Variants in ARID3B observed in about 807,000 individuals in gnomAD.
The protein encoded by ARID3B is AT-rich interactive domain-containing protein 3B.
Under a neutral mutation model 51.9 loss-of-function variants are expected in ARID3B, and 10 were observed. The ratio of observed to expected loss-of-function variants is 0.19; its 90% CI spans 0.12 to 0.33. ARID3B has a LOEUF of 0.33. Ranked by LOEUF, ARID3B falls within the 10% of genes least tolerant of loss-of-function variation. The pLI, the probability that ARID3B is intolerant of heterozygous loss-of-function variation, is 1.00. For synonymous variants in ARID3B, 205 were observed against 279.5 expected, an observed-to-expected ratio of 0.73 and a Z score of 2.66; for missense variants, 483 against 716.3, an observed-to-expected ratio of 0.67 and a Z score of 3.72.
At chr15:74,559,708 G>A (rs962700909) in intron 2 of ARID3B, among the ~76,000 whole-genome samples, 1 of 152,026 alleles carries the variant, frequency 6.6e-6, no homozygotes, top group Non-Finnish European at 1.5e-5. Flanking sequence ...TTATTACTCT[G>A]CAAATGACTT....
At chr15:74,566,744 T>C (rs891633117) in intron 2 of ARID3B, among the ~76,000 whole-genome samples, 3 of 152,132 alleles carry the variant, frequency 2.0e-5, no homozygotes, top group Non-Finnish European at 4.4e-5. Context: ...ATGGTTCAGA[T>C]TAATCTAGAA....
At chr15:74,581,459 A>G (rs558561893) in intron 4 of ARID3B, among the ~76,000 whole-genome samples, 1 of 152,250 alleles carries the variant, frequency 6.6e-6, no homozygotes, top group Non-Finnish European at 1.5e-5. Flanking sequence ...CCTTCCTGGC[A>G]GACGAAAATA....
rs1362317109 is a variant in ARID3B, at chr15:74,566,329, G to A, written c.553-6533G>A. ...TGAAAGACTAAATAGGCCAGGCGCA[G>A]TGGCTCACACCTGTAATCCCATCAC... On this transcript the variant is annotated intron_variant, in intron 2 of 8. Coordinates refer to ENST00000346246, the MANE Select transcript of ARID3B (RefSeq NM_006465.4). Among the ~76,000 whole-genome samples the A allele has an allele frequency of 2.6e-5, 4 of 152,284 alleles. No individual in the cohort carries two copies. In the East Asian group the frequency reaches 7.7e-4, roughly 29 times the overall value.
At chr15:74,577,549 C>T (rs1193181453) in intron 4 of ARID3B, among the ~76,000 whole-genome samples, 2 of 152,106 alleles carry the variant, frequency 1.3e-5, no homozygotes, top group African/African-American at 4.8e-5. Context: ...GAGACAGGGT[C>T]TCACTCTATT....
Position 74,595,808 on chromosome 15 carries a change from C to G in ARID3B, c.*34C>G, listed in dbSNP as rs1408011394. The G allele has an allele frequency of 7.6e-6, 12 of 1,582,896 alleles. No homozygotes were observed. Among genetic ancestry groups the G allele is most frequent in the Admixed American group, 1.8e-5 (1 of 54,580 alleles). On this transcript the variant is annotated 3_prime_UTR_variant, in exon 9 of 9. Transcript: ENST00000346246. ...ACCCAGCTTCCCACTTGCCACTCTC[C>G]TGTCGAGAGTGAAGGAAGTTGATGC...
At chr15:74,579,927 A>G (rs1437362022) in intron 4 of ARID3B, among the ~76,000 whole-genome samples, 1 of 151,896 alleles carries the variant, frequency 6.6e-6, no homozygotes, top group Non-Finnish European at 1.5e-5. Context: ...GCATTGGCTC[A>G]TGCCTGTAAT....
intron 2 of ARID3B, among the ~76,000 whole-genome samples, chr15:74,554,046 G>T (rs938511795): frequency 7.2e-5 from 11 of 151,908 alleles, no homozygotes; most frequent in African/African-American, 2.7e-4. Flanking sequence ...TCGCTCTGTC[G>T]CTCAGGCTAG....
At position 74,595,866 on chromosome 15, in the gene ARID3B, C is replaced by T. The variant is rs1360159980; in HGVS notation, c.*92C>T. Reference sequence around the variant, plus strand: ...TTACCTCATCTCACAGAGCCCACGTCGACGAGCACCATTTGGCCAGACATT... The same window carrying T: ...TTACCTCATCTCACAGAGCCCACGTTGACGAGCACCATTTGGCCAGACATT... On this transcript the variant is annotated 3_prime_UTR_variant, in exon 9 of 9. Coordinates refer to ENST00000346246, the MANE Select transcript of ARID3B (RefSeq NM_006465.4). 4.5e-6 allele frequency: 6 copies of T among 1,347,596 alleles called. No homozygotes were observed. The highest frequency in any genetic ancestry group is 5.0e-5 in the Admixed American group (2 of 40,368). 83.5% of individuals were successfully genotyped at this position (1,347,596 alleles called of 1,614,324 possible).
At chr15:74,548,390 C>T (rs553219625) in intron 2 of ARID3B, among the ~76,000 whole-genome samples, 5 of 152,166 alleles carry the variant, frequency 3.3e-5, no homozygotes, top group Admixed American at 2.0e-4. Context: ...TGCATGTGTC[C>T]GATTTTCTGC....
At chr15:74,547,384 T>C (rs886360087) in intron 2 of ARID3B, among the ~76,000 whole-genome samples, 2 of 152,196 alleles carry the variant, frequency 1.3e-5, no homozygotes, top group African/African-American at 4.8e-5. Context: ...GGTTTCGTCA[T>C]GTTGGCCAGG....
rs1293963541 is a variant in ARID3B, at chr15:74,597,508, C to T, written c.*1734C>T. 8 of 535,374 alleles carry T rather than the reference C, an allele frequency of 1.5e-5. No homozygotes were observed. Among genetic ancestry groups the T allele is most frequent in the Admixed American group, 2.2e-5 (1 of 44,928 alleles). The allele number at this position is 535,374 out of a possible 1,614,324, so 33.2% of individuals were successfully genotyped here. On this transcript the variant is annotated 3_prime_UTR_variant, in exon 9 of 9. Transcript: ENST00000346246. Reference sequence around the variant, plus strand: ...ACACACACTCACCCCCACTCCCACACACATACACACACACACACACATACC... The same window carrying T: ...ACACACACTCACCCCCACTCCCACATACATACACACACACACACACATACC...
At chr15:74,550,839 C>T (rs1174221567) in intron 2 of ARID3B, among the ~76,000 whole-genome samples, 1 of 152,186 alleles carries the variant, frequency 6.6e-6, no homozygotes, top group Non-Finnish European at 1.5e-5. Flanking sequence ...TCCTCTCCCG[C>T]TATCCTCAGG....
At chr15:74,561,278 A>G (rs1467037517) in intron 2 of ARID3B, among the ~76,000 whole-genome samples, 1 of 152,198 alleles carries the variant, frequency 6.6e-6, no homozygotes, top group Non-Finnish European at 1.5e-5. Flanking sequence ...TCTTTACTAC[A>G]TCTAGAATGA....
chr15:74,557,010 C>T (rs1024367170), intron 2 of ARID3B, among the ~76,000 whole-genome samples: 1 of 151,796 alleles, frequency 6.6e-6, no homozygotes, highest in Non-Finnish European at 1.5e-5. Context: ...CTCCTGACCT[C>T]GTGATCCACC....
intron 2 of ARID3B, among the ~76,000 whole-genome samples, chr15:74,561,098 T>A (rs1206365827): frequency 6.6e-6 from 1 of 152,218 alleles, no homozygotes; most frequent in Non-Finnish European, 1.5e-5. Flanking sequence ...AGTTTGTCTT[T>A]CAACTTGATG....
intron 4 of ARID3B, among the ~76,000 whole-genome samples, chr15:74,584,249 A>G (rs572817097): frequency 3.9e-5 from 6 of 152,290 alleles, no homozygotes; most frequent in Admixed American, 3.9e-4. Context: ...ATGGGGGGAA[A>G]TCAGCAGTCA....
At chr15:74,542,870 GGT>G (rs2061599860) in intron 1 of ARID3B, among the ~76,000 whole-genome samples, 1 of 152,228 alleles carries the variant, frequency 6.6e-6, no homozygotes, top group African/African-American at 2.4e-5. Context: ...AGGAGAAGAG[GGT>G]GTGAAAGTGA....
Position 74,544,135 on chromosome 15 carries a change from G to A in ARID3B, c.199G>A (p.Gly67Ser). 6.2e-7 allele frequency: 1 copy of A among 1,613,926 alleles called. No individual in the cohort carries two copies. Among genetic ancestry groups the A allele is most frequent in the South Asian group, 1.1e-5 (1 of 91,068 alleles). ...GAGACCTTCTGGCAGCACTCCCTTA[G>A]GTCCCTTAGCCAGAGTTCCACCCAC... ...AGRPSGSTPL[G>S]PLARVPPTAA... The change falls in exon 2 of 9, where the codon GGT (glycine) becomes AGT (serine). Residue 67 changes from glycine to serine, a missense_variant. Transcript: ENST00000346246.
intron 2 of ARID3B, among the ~76,000 whole-genome samples, chr15:74,562,573 A>C (rs1567119280): frequency 6.6e-6 from 1 of 152,152 alleles, no homozygotes; most frequent in African/African-American, 2.4e-5. Context: ...TGCAGCCTGG[A>C]ACTCCCAGTC....
Sources: allele counts gnomAD v4.1 joint callset (sites outside exome capture counted in the v4.1 genomes callset), GRCh38; gene constraint gnomAD v4.1.1; transcripts MANE v1.5; gene names NCBI Gene and HGNC (gene_info 2026-07-23, HGNC 2026-07-21).